SEMA3A: variants seen among roughly 807,000 people sequenced by gnomAD.
SEMA3A encodes semaphorin-3A.
SEMA3A carries 29 observed loss-of-function variants against 97.9 expected under a neutral mutation model. The observed-to-expected ratio is 0.30, with a 90% CI of 0.22 to 0.40. SEMA3A has a LOEUF of 0.40. SEMA3A is among the 10% of genes least tolerant of loss of function. The probability of loss-of-function intolerance (pLI) is 1.00; values close to 1 mark genes in which losing one functional copy is unlikely to be tolerated. For synonymous variants in SEMA3A, 321 were observed against 323.7 expected (o/e 0.99, Z 0.09); for missense variants, 763 against 951.3 (o/e 0.80, Z 2.60).
intron 4 of SEMA3A, among the ~76,000 whole-genome samples, chr7:84,062,220 G>A (rs1006224517): frequency 2.0e-5 from 3 of 152,078 alleles, no homozygotes; most frequent in Non-Finnish European, 4.4e-5. Flanking sequence ...TCCTAACATA[G>A]TGTCAAAGAA....
Position 84,485,994 on chromosome 7 carries a change from G to A in SEMA3A, c.-246+6466C>T, listed in dbSNP as rs143650200. ...CCAGAGAAAGAAATTTTGATTTTTT[G>A]GTGAAATGGAAATTAGACTCAGAAA... On this transcript the variant is annotated intron_variant, in intron 1 of 3. Transcript: ENST00000424555. Among the ~76,000 whole-genome samples the A allele has an allele frequency of 6.3e-3, 952 of 151,992 alleles. 13 individuals carry two copies. The highest frequency in any genetic ancestry group is 0.021 in the African/African-American group (888 of 41,436).
chr7:84,305,631 A>G (rs1801135803), intron 3 of SEMA3A, among the ~76,000 whole-genome samples: 1 of 151,988 alleles, frequency 6.6e-6, no homozygotes, highest in African/African-American at 2.4e-5. Context: ...AATGGTGGCA[A>G]TGACAGTGAC....
intron 1 of SEMA3A, among the ~76,000 whole-genome samples, chr7:84,406,593 CAA>C (rs147679433): frequency 1.3e-4 from 20 of 150,274 alleles, no homozygotes; most frequent in Non-Finnish European, 2.4e-4. Flanking sequence ...AGAGACACAA[CAA>C]AAAAAAAGAG....
chr7:84,290,455 T>G (rs1044041821), intron 3 of SEMA3A, among the ~76,000 whole-genome samples: 4 of 146,778 alleles, frequency 2.7e-5, no homozygotes, highest in African/African-American at 1.1e-4. Flanking sequence ...TTTTTCCTAT[T>G]TATCTTAACT....
intron 2 of SEMA3A, among the ~76,000 whole-genome samples, chr7:84,313,233 T>A (rs1219675628): frequency 6.9e-6 from 1 of 145,242 alleles, no homozygotes; most frequent in Non-Finnish European, 1.5e-5. Flanking sequence ...TATTTCCCTC[T>A]CTTTCTCTTC....
chr7:84,389,554 T>C (rs1344079446), intron 1 of SEMA3A, among the ~76,000 whole-genome samples: 2 of 152,066 alleles, frequency 1.3e-5, no homozygotes, highest in African/African-American at 4.8e-5. Flanking sequence ...TCTAAAGTCT[T>C]GGTAACATTA....
chr7:84,152,588 T>C (rs1306036541), intron 1 of SEMA3A, among the ~76,000 whole-genome samples: 2 of 142,030 alleles, frequency 1.4e-5, no homozygotes, highest in Non-Finnish European at 3.1e-5. Context: ...ATATACCTAA[T>C]GCTAGATGAC....
intron 1 of SEMA3A, among the ~76,000 whole-genome samples, chr7:84,391,770 A>C (rs1803585313): frequency 6.6e-6 from 1 of 152,088 alleles, no homozygotes; most frequent in African/African-American, 2.4e-5. Context: ...CAGGAGTTCA[A>C]GACCAGCTTG....
chr7:84,122,002 A>ACAT (rs780464015), intron 3 of SEMA3A, among the ~76,000 whole-genome samples: 104 of 146,936 alleles, frequency 7.1e-4, no homozygotes, highest in Non-Finnish European at 1.3e-3. Flanking sequence ...GTGTCTTTAT[A>ACAT]GCAGCATGAT....
chr7:84,114,508 G>A (rs140081502), intron 3 of SEMA3A, among the ~76,000 whole-genome samples: 4 of 152,108 alleles, frequency 2.6e-5, no homozygotes, highest in Admixed American at 6.6e-5. Context: ...ATATTTTGGT[G>A]CATAATCTAG....
intron 3 of SEMA3A, among the ~76,000 whole-genome samples, chr7:84,283,907 A>T (rs1164607147): frequency 6.6e-6 from 1 of 152,108 alleles, no homozygotes; most frequent in African/African-American, 2.4e-5. Context: ...AATTAAATTT[A>T]TTCCTTAAAT....
At chr7:84,036,847 A>G (rs1791958043) in intron 6 of SEMA3A, among the ~76,000 whole-genome samples, 1 of 152,096 alleles carries the variant, frequency 6.6e-6, no homozygotes, top group African/African-American at 2.4e-5. Flanking sequence ...ATGTTCCAGT[A>G]ACATTTTTTT....
chr7:84,021,253 TTTA>T (rs1302290939), intron 6 of SEMA3A, among the ~76,000 whole-genome samples: 8 of 151,006 alleles, frequency 5.3e-5, no homozygotes, highest in African/African-American at 1.7e-4. Context: ...ATCTACTGTC[TTTA>T]TAAGCTTGTT....
At chr7:84,169,488 TTTAAA>T (rs1208530177) in intron 1 of SEMA3A, among the ~76,000 whole-genome samples, 9 of 149,642 alleles carry the variant, frequency 6.0e-5, no homozygotes, top group Non-Finnish European at 8.9e-5. Flanking sequence ...GTGAAGGATT[TTTAAA>T]TTAATTACAA....
rs866674506 is a variant in SEMA3A, at chr7:83,995,666, A to C, written c.1452+6289T>G. ...GATATGGCTTTATAAGCATGTTTTC[A>C]TGAAACTGGTTTCAGTTGCATTTAA... On this transcript the variant is annotated intron_variant, in intron 12 of 16. Transcript: ENST00000265362. Among the ~76,000 whole-genome samples the C allele has an allele frequency of 3.5e-4, 54 of 152,342 alleles. 1 individual carries two copies. The highest frequency in any genetic ancestry group is 1.3e-3 in the African/African-American group (53 of 41,584).
chr7:84,345,068 G>A (rs1030569797), intron 2 of SEMA3A, among the ~76,000 whole-genome samples: 1 of 152,070 alleles, frequency 6.6e-6, no homozygotes, highest in African/African-American at 2.4e-5. Context: ...GAAATATTGA[G>A]AGTTCAGTTC....
intron 3 of SEMA3A, among the ~76,000 whole-genome samples, chr7:84,238,073 A>T (rs987317992): frequency 1.3e-5 from 2 of 148,148 alleles, no homozygotes; most frequent in African/African-American, 2.5e-5. Context: ...AGGATATTCA[A>T]TTTTTTTTTT....
chr7:84,075,888 G>T (rs924576186), intron 4 of SEMA3A, among the ~76,000 whole-genome samples: 1 of 152,058 alleles, frequency 6.6e-6, no homozygotes, highest in African/African-American at 2.4e-5. Flanking sequence ...TAACCTTTAA[G>T]GTGCATGTAG....
At chr7:84,100,673 A>G (rs1234297034) in intron 4 of SEMA3A, among the ~76,000 whole-genome samples, 1 of 152,092 alleles carries the variant, frequency 6.6e-6, no homozygotes, top group Non-Finnish European at 1.5e-5. Flanking sequence ...CTTACAATCA[A>G]TATTAGAAAA....
Sources: allele counts gnomAD v4.1 joint callset (sites outside exome capture counted in the v4.1 genomes callset), GRCh38; gene constraint gnomAD v4.1.1; transcripts MANE v1.5; gene names NCBI Gene and HGNC (gene_info 2026-07-23, HGNC 2026-07-21).